Variants in NEK11 observed in about 807,000 individuals in gnomAD.
The protein encoded by NEK11 is NIMA related kinase 11.
A neutral mutation model predicts 80.7 loss-of-function variants in NEK11; 72 were observed. The ratio of observed to expected loss-of-function variants is 0.89; its 90% CI spans 0.74 to 1.08. NEK11 has a LOEUF of 1.08. NEK11 is among the 50% of genes least tolerant of loss of function. The pLI is 0.00. For missense variants in NEK11, 764 were observed against 763.6 expected (o/e 1.00, Z -0.01); for synonymous variants, 251 against 260.7 (o/e 0.96, Z 0.36).
chr3:131,064,154 A>C (rs576662076), intron 3 of NEK11, among the ~76,000 whole-genome samples: 2 of 152,310 alleles, frequency 1.3e-5, no homozygotes, highest in South Asian at 4.1e-4. Flanking sequence ...AGTGGTTGCC[A>C]GGGGCTATGG....
chr3:131,337,095 C>G (rs1308345875), intron 17 of NEK11, among the ~76,000 whole-genome samples: 2 of 152,142 alleles, frequency 1.3e-5, no homozygotes, highest in Non-Finnish European at 2.9e-5. Flanking sequence ...TACCATTTGA[C>G]CCAGCCATCC....
At chr3:131,254,757 C>T (rs1361696281) in intron 16 of NEK11, among the ~76,000 whole-genome samples, 4 of 152,112 alleles carry the variant, frequency 2.6e-5, no homozygotes, top group African/African-American at 9.7e-5. Context: ...CAGTGGCTCA[C>T]ATCTGTAATC....
At chr3:131,143,904 A>T (rs1474736589) in intron 7 of NEK11, among the ~76,000 whole-genome samples, 1 of 152,106 alleles carries the variant, frequency 6.6e-6, no homozygotes, top group African/African-American at 2.4e-5. Flanking sequence ...TACTGTTTCC[A>T]TAGATTGAAC....
intron 4 of NEK11, among the ~76,000 whole-genome samples, chr3:131,097,796 GA>G (rs370572551): frequency 0.24 from 34,081 of 139,942 alleles, 6,426 homozygotes; most frequent in African/African-American, 0.36. Flanking sequence ...CACAGAATTG[GA>G]AAAAACTACT....
intron 17 of NEK11, among the ~76,000 whole-genome samples, chr3:131,274,471 C>T (rs2108709156): frequency 6.6e-6 from 1 of 150,964 alleles, no homozygotes; most frequent in East Asian, 2.0e-4. Context: ...TGGGTATATA[C>T]CCAGTAGTGG....
At chr3:131,042,802 G>A (rs534593699) in intron 3 of NEK11, among the ~76,000 whole-genome samples, 3 of 152,282 alleles carry the variant, frequency 2.0e-5, no homozygotes, top group South Asian at 2.1e-4. Context: ...CCTGACCCCC[G>A]TGCCTCCTGA....
intron 7 of NEK11, among the ~76,000 whole-genome samples, chr3:131,141,716 ACT>A (rs1215986559): frequency 6.6e-6 from 1 of 152,090 alleles, no homozygotes; most frequent in Non-Finnish European, 1.5e-5. Context: ...CTACTGAAAG[ACT>A]CTGAGAAATG....
At chr3:131,088,502 G>A (rs1218165801) in intron 4 of NEK11, among the ~76,000 whole-genome samples, 1 of 152,074 alleles carries the variant, frequency 6.6e-6, no homozygotes, top group Non-Finnish European at 1.5e-5. Flanking sequence ...GACATTTGGG[G>A]TAAGGCTTTA....
intron 17 of NEK11, among the ~76,000 whole-genome samples, chr3:131,319,063 T>C (rs183180122): frequency 5.3e-5 from 8 of 152,142 alleles, no homozygotes; most frequent in African/African-American, 1.7e-4. Context: ...TAAACTTTTT[T>C]TTACCTAATG....
intron 15 of NEK11, among the ~76,000 whole-genome samples, chr3:131,235,721 T>A (rs1464321145): frequency 1.3e-5 from 2 of 152,168 alleles, no homozygotes; most frequent in African/African-American, 4.8e-5. Context: ...CAGCACTCAA[T>A]GCAATTAACA....
intron 7 of NEK11, among the ~76,000 whole-genome samples, chr3:131,136,524 T>G (rs2085596013): frequency 6.6e-6 from 1 of 152,186 alleles, no homozygotes; most frequent in African/African-American, 2.4e-5. Context: ...CATATTATAT[T>G]TATAATGCTT....
chr3:131,240,928 C>G (rs1272216098), intron 15 of NEK11, among the ~76,000 whole-genome samples: 8 of 152,098 alleles, frequency 5.3e-5, no homozygotes, highest in Admixed American at 1.3e-4. Flanking sequence ...TTTGAGATTG[C>G]CTGCTTGCTG....
intron 4 of NEK11, chr3:131,087,882 T>A (rs2076215546): frequency 6.6e-6 from 1 of 152,232 alleles, no homozygotes; most frequent in South Asian, 2.1e-4. Flanking sequence ...TGAAGCCTGT[T>A]TGGGACCACC....
At chr3:131,111,858 A>G (rs1043734614) in intron 5 of NEK11, among the ~76,000 whole-genome samples, 1 of 152,326 alleles carries the variant, frequency 6.6e-6, no homozygotes, top group African/African-American at 2.4e-5. Context: ...GTTAAGCTCT[A>G]TGTAATGTTG....
chr3:131,291,489 G>A (rs1318503743), intron 17 of NEK11, among the ~76,000 whole-genome samples: 7 of 152,110 alleles, frequency 4.6e-5, no homozygotes, highest in Admixed American at 3.3e-4. Context: ...GTGCAGTTTT[G>A]TAAAAACAAA....
rs2096213588 is a variant in NEK11, at chr3:131,272,472, T to C, written c.1622-1006T>C. ...GGGCCAGTTTTAGCTTCTTTTTTTTTTTTTTTTTTTTTTTTTTTTTTGAGA... is the reference window on the plus strand; with the variant it reads ...GGGCCAGTTTTAGCTTCTTTTTTTTCTTTTTTTTTTTTTTTTTTTTTGAGA... On this transcript the variant is annotated intron_variant, in intron 16 of 17. Transcript: ENST00000383366. Among the ~76,000 whole-genome samples the C allele has an allele frequency of 1.7e-5, 2 of 119,928 alleles. 1 individual carries two copies. Among genetic ancestry groups the C allele is most frequent in the African/African-American group, 6.7e-5 (2 of 29,864 alleles). The allele number at this position is 119,928 out of a possible 152,430, so 78.7% of individuals were successfully genotyped here. A position where few individuals can be genotyped will look rare whatever the true frequency, so the allele number is the denominator to read the frequency against.
intron 15 of NEK11, among the ~76,000 whole-genome samples, chr3:131,232,807 A>T (rs974681207): frequency 6.6e-6 from 1 of 152,150 alleles, no homozygotes; most frequent in African/African-American, 2.4e-5. Context: ...GATCATAGTA[A>T]TGATAACAGT....
At position 131,228,640 on chromosome 3, in the gene NEK11, A is replaced by G. The variant is rs2095263750; in HGVS notation, c.1512A>G (p.Lys504=). The change falls in exon 15 of 18, where the codon AAA becomes AAG. Residue 504 remains lysine, a synonymous_variant. Coordinates refer to ENST00000383366, the MANE Select transcript of NEK11 (RefSeq NM_024800.5). ...AAATAGCGTTAGAAAGACCAGAGAA[A>G]GAAATCAGGAATGAGGGATCCCAGC... ...EEEIALERPE[K]EIRNEGSQPA... 1 of 1,613,610 alleles carries G rather than the reference A, an allele frequency of 6.2e-7. No individual in the cohort carries two copies. The highest frequency in any genetic ancestry group is 8.5e-7 in the Non-Finnish European group (1 of 1,179,722).
intron 16 of NEK11, among the ~76,000 whole-genome samples, chr3:131,245,227 A>T (rs530500562): frequency 6.6e-6 from 1 of 151,796 alleles, no homozygotes; most frequent in Non-Finnish European, 1.5e-5. Context: ...ACTTAAGATA[A>T]TGGCCTCCAG....
Sources: allele counts gnomAD v4.1 joint callset (sites outside exome capture counted in the v4.1 genomes callset), GRCh38; gene constraint gnomAD v4.1.1; transcripts MANE v1.5; gene names NCBI Gene and HGNC (gene_info 2026-07-23, HGNC 2026-07-21).